The following TDRD7 variants were observed in gnomAD, a reference collection of about 807,000 sequenced individuals.
TDRD7 encodes tudor domain containing 7, also known as tudor domain-containing protein 7.
TDRD7 carries 47 observed loss-of-function variants against 109.8 expected under a neutral mutation model. That is an observed-to-expected ratio of 0.43 (90% CI 0.34 to 0.55). TDRD7 has a LOEUF of 0.55. TDRD7 is among the 20% of genes least tolerant of loss of function. The pLI is 0.03. For synonymous variants in TDRD7, 424 were observed against 457.3 expected (o/e 0.93, Z 0.93); for missense variants, 1,164 against 1,319.2 (o/e 0.88, Z 1.82).
intron 1 of TDRD7, among the ~76,000 whole-genome samples, chr9:97,424,308 G>A (rs62557500): frequency 0.075 from 11,413 of 151,860 alleles, 706 homozygotes; most frequent in African/African-American, 0.17. Context: ...CGCCCACCTC[G>A]GCCTCCCAAA....
chr9:97,441,878 A>AT lies in TDRD7; in HGVS notation c.855+4dup. 1 of 1,612,794 alleles carries AT rather than the reference A, an allele frequency of 6.2e-7. No individual in the cohort carries two copies. Among genetic ancestry groups the AT allele is most frequent in the Non-Finnish European group, 8.5e-7 (1 of 1,178,948 alleles). ...AACACTGGCCTCATATTTGCACGGT[A>AT]TGTTTTTCCTTATTCCTCCCTTCTG... On this transcript the variant is annotated splice_donor_region_variant and intron_variant, in intron 6 of 16. Coordinates refer to ENST00000355295, the MANE Select transcript of TDRD7 (RefSeq NM_014290.3).
intron 7 of TDRD7, among the ~76,000 whole-genome samples, chr9:97,461,651 A>G (rs1828726742): frequency 6.6e-6 from 1 of 152,242 alleles, no homozygotes; most frequent in Non-Finnish European, 1.5e-5. Flanking sequence ...TGGAAAATAT[A>G]GAAAGACTAT....
chr9:97,419,134 G>T (rs549267982), intron 1 of TDRD7, among the ~76,000 whole-genome samples: 1 of 152,152 alleles, frequency 6.6e-6, no homozygotes, highest in Admixed American at 6.5e-5. Context: ...TATGTAATGC[G>T]TATGTAGCTG....
intron 16 of TDRD7, among the ~76,000 whole-genome samples, chr9:97,495,145 C>A (rs922970348): frequency 1.3e-5 from 2 of 152,094 alleles, no homozygotes; most frequent in Admixed American, 1.3e-4. Flanking sequence ...CCACACCACC[C>A]GATAGAGGAA....
chr9:97,414,397 C>T (rs1827778133), intron 1 of TDRD7, among the ~76,000 whole-genome samples: 1 of 152,194 alleles, frequency 6.6e-6, no homozygotes, highest in South Asian at 2.1e-4. Flanking sequence ...TAAGCAAACT[C>T]GGTTTTCATT....
At chr9:97,435,283 C>T (rs1284277238) in intron 4 of TDRD7, among the ~76,000 whole-genome samples, 1 of 152,032 alleles carries the variant, frequency 6.6e-6, no homozygotes, top group East Asian at 1.9e-4. Flanking sequence ...CCTCTAAGTA[C>T]ACTTTTTGAA....
rs1330306559 is a variant in TDRD7, at chr9:97,484,010, A to G, written c.2915+659A>G. On this transcript the variant is annotated intron_variant, in intron 15 of 16. Transcript: ENST00000355295. ...TTTCTCTCCTGTATTTTTCACTATT[A>G]TAAATAATAGTGAATGTAAATCTTT... 3.3e-5 allele frequency among the ~76,000 whole-genome samples: 5 copies of G among 152,208 alleles called. No homozygotes were observed. In the South Asian group the frequency reaches 6.2e-4, roughly 19 times the overall value.
intron 6 of TDRD7, among the ~76,000 whole-genome samples, chr9:97,453,300 A>T (rs1048191992): frequency 7.2e-5 from 11 of 152,182 alleles, no homozygotes; most frequent in Non-Finnish European, 1.3e-4. Context: ...CAAGTGCTGC[A>T]TAACAACATT....
At position 97,419,150 on chromosome 9, in the gene TDRD7, C is replaced by A. The variant is rs567418600; in HGVS notation, c.-7+6912C>A. ...ATGTAATGCGTATGTAGCTGATAGCCAAGGCCCACTTAGGCATACGGATAT... is the reference window on the plus strand; with the variant it reads ...ATGTAATGCGTATGTAGCTGATAGCAAAGGCCCACTTAGGCATACGGATAT... On this transcript the variant is annotated intron_variant, in intron 1 of 16. Coordinates refer to ENST00000355295, the MANE Select transcript of TDRD7 (RefSeq NM_014290.3). Among the ~76,000 whole-genome samples the A allele has an allele frequency of 2.6e-5, 4 of 152,276 alleles. No individual in the cohort carries two copies. In the South Asian group the frequency reaches 8.3e-4, roughly 32 times the overall value.
At chr9:97,486,284 C>A (rs1587895301) in intron 15 of TDRD7, among the ~76,000 whole-genome samples, 1 of 152,150 alleles carries the variant, frequency 6.6e-6, no homozygotes, top group South Asian at 2.1e-4. Flanking sequence ...TGTAGTAATA[C>A]TTTTTAATCA....
intron 2 of TDRD7, among the ~76,000 whole-genome samples, chr9:97,429,162 CTTCTG>C (rs990524612): frequency 6.6e-6 from 1 of 152,156 alleles, no homozygotes; most frequent in African/African-American, 2.4e-5. Flanking sequence ...TGTGTCTTCT[CTTCTG>C]TTCTTTTCCT....
intron 8 of TDRD7, 66 bp downstream of exon 8, chr9:97,465,094 T>C: frequency 6.5e-7 from 1 of 1,528,800 alleles, no homozygotes; most frequent in Non-Finnish European, 8.8e-7. Flanking sequence ...CAAATGTAAA[T>C]ATTTTTTACA....
intron 6 of TDRD7, among the ~76,000 whole-genome samples, chr9:97,459,718 G>A (rs1458328310): frequency 6.6e-6 from 1 of 152,146 alleles, no homozygotes; most frequent in Admixed American, 6.5e-5. Flanking sequence ...AAAGCCAAGG[G>A]TTTTCTCAGG....
Position 97,483,281 on chromosome 9 carries a change from T to G in TDRD7, c.2845T>G (p.Tyr949Asp). Residue 949 changes from tyrosine (Y) to aspartate (D), a missense_variant, in exon 15 of 17, where the codon TAC (tyrosine) becomes GAC (aspartate). Physicochemically the swap from Tyr to Asp is radical, Grantham distance 160 (BLOSUM62 -3). Transcript: ENST00000355295. ...TCTGATGGAAGAGATGATTCTATATTACAGCGTGTCTGAAGAGCGCCACAT... is the reference window on the plus strand; with the variant it reads ...TCTGATGGAAGAGATGATTCTATATGACAGCGTGTCTGAAGAGCGCCACAT... ...EVLMEEMILY[Y>D]SVSEERHIAV... 1 of 1,614,096 alleles carries G rather than the reference T, an allele frequency of 6.2e-7. No individual in the cohort carries two copies. Among genetic ancestry groups the G allele is most frequent in the Non-Finnish European group, 8.5e-7 (1 of 1,180,012 alleles).
chr9:97,422,982 C>T (rs1827923643), intron 1 of TDRD7, among the ~76,000 whole-genome samples: 1 of 152,164 alleles, frequency 6.6e-6, no homozygotes, highest in Non-Finnish European at 1.5e-5. Flanking sequence ...GGGATATGGT[C>T]TGTACTTTTC....
At chr9:97,482,666 A>G (rs896455054) in intron 14 of TDRD7, among the ~76,000 whole-genome samples, 183 bp from the exon 15 acceptor site, 4 of 152,136 alleles carry the variant, frequency 2.6e-5, no homozygotes, top group Non-Finnish European at 5.9e-5. Flanking sequence ...TGTTCCCTAG[A>G]CTATTTTGAC....
intron 7 of TDRD7, among the ~76,000 whole-genome samples, chr9:97,464,512 C>A (rs1024069426): frequency 1.3e-5 from 2 of 152,072 alleles, no homozygotes; most frequent in African/African-American, 4.8e-5. Context: ...CGCCCACCCC[C>A]ACACCCAGCT....
chr9:97,431,923 G>T (rs1828110375), intron 3 of TDRD7, 102 bp from the exon 4 acceptor site: 1 of 1,082,698 alleles, frequency 9.2e-7, no homozygotes, highest in Non-Finnish European at 1.4e-6. Flanking sequence ...AAACTGTTCT[G>T]AGAATAGACA....
At chr9:97,429,075 A>C (rs558897396) in intron 2 of TDRD7, among the ~76,000 whole-genome samples, 7 of 152,314 alleles carry the variant, frequency 4.6e-5, no homozygotes, top group African/African-American at 1.7e-4. Flanking sequence ...CATCAAGTCA[A>C]TTCCTGCTAT....
Sources: allele counts gnomAD v4.1 joint callset (sites outside exome capture counted in the v4.1 genomes callset), GRCh38; gene constraint gnomAD v4.1.1; transcripts MANE v1.5; gene names NCBI Gene and HGNC (gene_info 2026-07-23, HGNC 2026-07-21).